Variants in PKHD1 observed in about 807,000 individuals in gnomAD.
The protein encoded by PKHD1 is fibrocystin.
A neutral mutation model predicts 412.0 loss-of-function variants in PKHD1; 291 were observed. The observed-to-expected ratio is 0.71, with a 90% CI of 0.64 to 0.78. PKHD1 has a LOEUF of 0.78. PKHD1 is among the 30% of genes least tolerant of loss of function. The pLI is 0.00. For missense variants in PKHD1, 4,825 were observed against 4,950.7 expected, an observed-to-expected ratio of 0.97 and a Z score of 0.76; for synonymous variants, 1,777 against 1,821.5, an observed-to-expected ratio of 0.98 and a Z score of 0.62.
intron 36 of PKHD1, among the ~76,000 whole-genome samples, chr6:51,955,609 G>A (rs955441409): frequency 1.1e-4 from 17 of 152,112 alleles, no homozygotes; most frequent in South Asian, 8.3e-4. Flanking sequence ...TTCCATGAAT[G>A]GAAAAATAAT....
At chr6:51,908,425 T>C (rs1355203611) in intron 40 of PKHD1, among the ~76,000 whole-genome samples, 1 of 152,104 alleles carries the variant, frequency 6.6e-6, no homozygotes. Context: ...CACAGCCTCT[T>C]TAAAGAAGGC....
intron 60 of PKHD1, among the ~76,000 whole-genome samples, chr6:51,666,254 G>A (rs1773749018): frequency 1.3e-5 from 2 of 152,094 alleles, no homozygotes; most frequent in Non-Finnish European, 2.9e-5. Context: ...ACACAATTAT[G>A]TTTTAAAAAC....
intron 61 of PKHD1, among the ~76,000 whole-genome samples, chr6:51,658,178 A>C (rs149772036): frequency 4.4e-4 from 67 of 152,274 alleles, no homozygotes; most frequent in Admixed American, 5.9e-4. Context: ...AATTTTGAAT[A>C]ATAATAAGCT....
At chr6:51,699,142 C>T (rs1779127264) in intron 60 of PKHD1, among the ~76,000 whole-genome samples, 1 of 152,030 alleles carries the variant, frequency 6.6e-6, no homozygotes, top group African/African-American at 2.4e-5. Context: ...CTATGAAGTT[C>T]AACAAATGTA....
intron 35 of PKHD1, among the ~76,000 whole-genome samples, chr6:51,969,788 C>CACAT (rs1793389987): frequency 1.3e-5 from 2 of 151,830 alleles, no homozygotes; most frequent in Admixed American, 6.6e-5. Context: ...CACACACACA[C>CACAT]ATATATATAT....
intron 60 of PKHD1, among the ~76,000 whole-genome samples, chr6:51,677,054 A>C (rs1437087279): frequency 6.6e-6 from 1 of 152,154 alleles, no homozygotes; most frequent in Non-Finnish European, 1.5e-5. Context: ...GGTAGTTCTA[A>C]TTATTATGAA....
chr6:51,909,949 A>G (rs1434114338), intron 39 of PKHD1, among the ~76,000 whole-genome samples: 1 of 152,262 alleles, frequency 6.6e-6, no homozygotes, highest in East Asian at 1.9e-4. Context: ...ACTTAGCAAT[A>G]ACGCTACCAC....
chr6:52,032,910 C>G, intron 29 of PKHD1, 120 bp downstream of exon 29: 1 of 890,294 alleles, frequency 1.1e-6, no homozygotes, highest in Non-Finnish European at 1.8e-6. Flanking sequence ...AAAGCAATCT[C>G]CTAGCTTTCA....
intron 36 of PKHD1, among the ~76,000 whole-genome samples, chr6:51,943,405 A>T (rs1788897969): frequency 6.6e-6 from 1 of 151,334 alleles, no homozygotes; most frequent in Admixed American, 6.6e-5. Flanking sequence ...AAAAAAAAAA[A>T]AAACTCATCA....
rs1199629361 is a variant in PKHD1 at position 51,909,335 on chromosome 6, C to T, written c.6630G>A (p.Gly2210=). The change falls in exon 40 of 67, where the codon GGG becomes GGA. Residue 2210 remains glycine (G), a synonymous_variant. Transcript: ENST00000371117. The part of the protein sequence containing the change: ...QLKGVQFQVL[G]QAFHKHLSSL... ...AGCTCAGATGCTTATGGAAGGCTTG[C>T]CCCAAGACTTGAAACTGCACTCCCT... 4.3e-6 allele frequency: 7 copies of T among 1,613,404 alleles called. No individual in the cohort carries two copies. Among genetic ancestry groups the T allele is most frequent in the Non-Finnish European group, 5.1e-6 (6 of 1,179,638 alleles).
At chr6:52,055,552 C>T (rs1807578453) in intron 19 of PKHD1, 35 bp downstream of exon 19, 2 of 1,612,052 alleles carry the variant, frequency 1.2e-6, no homozygotes, top group East Asian at 2.2e-5. Context: ...CAATACCTAC[C>T]CACCTGACCC....
At chr6:51,961,211 G>A (rs894247977) in intron 35 of PKHD1, among the ~76,000 whole-genome samples, 2 of 152,106 alleles carry the variant, frequency 1.3e-5, no homozygotes, top group Non-Finnish European at 2.9e-5. Context: ...AGAGAATAGT[G>A]CTCTATAGTA....
At chr6:51,816,884 T>C (rs1258661045) in intron 52 of PKHD1, among the ~76,000 whole-genome samples, 1 of 152,224 alleles carries the variant, frequency 6.6e-6, no homozygotes, top group Non-Finnish European at 1.5e-5. Flanking sequence ...TTAAATTTAA[T>C]TTGTCTTAAG....
intron 61 of PKHD1, among the ~76,000 whole-genome samples, chr6:51,651,227 T>G (rs1003181434): frequency 6.6e-6 from 1 of 152,184 alleles, no homozygotes; most frequent in Non-Finnish European, 1.5e-5. Context: ...ACAGACTTGC[T>G]GCTGCAGCAT....
At chr6:52,084,445 T>C (rs1035202314) in intron 2 of PKHD1, among the ~76,000 whole-genome samples, 8 of 152,156 alleles carry the variant, frequency 5.3e-5, no homozygotes, top group Non-Finnish European at 1.0e-4. Context: ...TTTGAGATAA[T>C]ACAAGCAATC....
rs1776566745 is a variant in PKHD1 at position 51,680,901 on chromosome 6, T to A, written c.10157-20932A>T. Among the ~76,000 whole-genome samples the A allele has an allele frequency of 2.0e-5, 3 of 151,906 alleles. No individual in the cohort carries two copies. The South Asian group carries it at 6.2e-4, about 31-fold the overall frequency. On this transcript the variant is annotated intron_variant, in intron 60 of 66. Transcript: ENST00000371117. ...TGTTAACTGAGGGTAAAAAAAAACA[T>A]ATGCCTTTATAAGACAATGAAGAAC...
intron 43 of PKHD1, among the ~76,000 whole-genome samples, chr6:51,896,219 A>G (rs1779954899): frequency 6.7e-6 from 1 of 149,318 alleles, no homozygotes; most frequent in African/African-American, 2.6e-5. Flanking sequence ...GGGGCAGGGC[A>G]CAGACAAACA....
At chr6:51,671,746 T>G (rs1775025748) in intron 60 of PKHD1, among the ~76,000 whole-genome samples, 2 of 152,116 alleles carry the variant, frequency 1.3e-5, no homozygotes, top group African/African-American at 4.8e-5. Flanking sequence ...TCCTTTCTGT[T>G]TGTTAGTTTT....
intron 51 of PKHD1, among the ~76,000 whole-genome samples, chr6:51,833,203 C>G (rs1768577169): frequency 6.6e-6 from 1 of 152,118 alleles, no homozygotes; most frequent in Non-Finnish European, 1.5e-5. Flanking sequence ...CTTCAGGAAT[C>G]TTTAGTTACT....
Sources: gnomAD v4.1 joint callset for allele counts (sites outside exome capture counted in the v4.1 genomes callset) on GRCh38, gnomAD v4.1.1 for gene constraint, MANE v1.5 for transcripts, NCBI Gene and HGNC (gene_info 2026-07-23, HGNC 2026-07-21) for gene names.